NPAS3: variants seen among roughly 807,000 people sequenced by gnomAD.
NPAS3 encodes the protein neuronal PAS domain-containing protein 3.
In NPAS3, 14 loss-of-function variants were observed where a neutral mutation model predicts 73.1. The observed-to-expected ratio is 0.19, with a 90% CI of 0.13 to 0.30. The LOEUF is 0.30. Ranked by LOEUF, NPAS3 falls within the 10% of genes least tolerant of loss-of-function variation. The pLI is 1.00. For missense variants in NPAS3, 1,096 were observed against 1,250.0 expected, an observed-to-expected ratio of 0.88 and a Z score of 1.86; for synonymous variants, 620 against 541.5, an observed-to-expected ratio of 1.14 and a Z score of -2.01.
intron 6 of NPAS3, among the ~76,000 whole-genome samples, chr14:33,706,227 C>T (rs955781433): frequency 2.6e-5 from 4 of 152,188 alleles, no homozygotes; most frequent in Non-Finnish European, 2.9e-5. Context: ...TGTATGTAAG[C>T]AGAGGCCCAG....
intron 2 of NPAS3, among the ~76,000 whole-genome samples, chr14:33,135,417 A>G (rs2043795083): frequency 6.6e-6 from 1 of 152,226 alleles, no homozygotes; most frequent in Admixed American, 6.5e-5. Context: ...TTAGAGAACT[A>G]TATGTTTTCA....
chr14:33,123,864 T>TC (rs202229396), intron 2 of NPAS3, among the ~76,000 whole-genome samples: 65 of 71,288 alleles, frequency 9.1e-4, no homozygotes, highest in African/African-American at 5.5e-3. Context: ...TTTCTTTCTT[T>TC]TTTTTTTTTT....
At chr14:33,567,328 C>T (rs747688861) in intron 5 of NPAS3, among the ~76,000 whole-genome samples, 6 of 152,124 alleles carry the variant, frequency 3.9e-5, no homozygotes, top group Admixed American at 1.3e-4. Context: ...CAGTCTCATG[C>T]GACAAAAACC....
intron 6 of NPAS3, among the ~76,000 whole-genome samples, chr14:33,721,290 T>C (rs1156690911): frequency 6.6e-6 from 1 of 152,164 alleles, no homozygotes; most frequent in Non-Finnish European, 1.5e-5. Flanking sequence ...GAGAAAAGGT[T>C]GTAGATATTG....
chr14:33,143,443 AT>A lies in NPAS3; in HGVS notation c.141-71737del, dbSNP rs562445213. 2.6e-3 allele frequency among the ~76,000 whole-genome samples: 388 copies of A among 151,006 alleles called. 1 individual carries two copies. Among genetic ancestry groups the A allele is most frequent in the African/African-American group, 9.1e-3 (375 of 41,164 alleles). On this transcript the variant is annotated intron_variant, in intron 2 of 11. Transcript: ENST00000356141. ...GAGGCAGAGGTTGAGGTGAGCCGAG[AT>A]TGCGCCACTGCACTCCAGTCTGGGC... is the stretch of plus-strand genomic sequence containing the variant.
chr14:33,768,573 A>G (rs2062540036), intron 7 of NPAS3, among the ~76,000 whole-genome samples: 1 of 152,186 alleles, frequency 6.6e-6, no homozygotes, highest in Non-Finnish European at 1.5e-5. Context: ...GGGTAATGCT[A>G]CAGCACAGGA....
chr14:33,168,659 C>T (rs780177167), intron 2 of NPAS3, among the ~76,000 whole-genome samples: 1 of 152,114 alleles, frequency 6.6e-6, no homozygotes, highest in African/African-American at 2.4e-5. Context: ...ACCAAGGATG[C>T]TTCCCGACTG....
intron 2 of NPAS3, among the ~76,000 whole-genome samples, chr14:33,088,125 G>T (rs1485746800): frequency 2.0e-5 from 3 of 152,206 alleles, no homozygotes; most frequent in Admixed American, 2.0e-4. Context: ...ACAGAAGATG[G>T]GGGATTTCTG....
At chr14:33,127,849 T>C (rs2043485719) in intron 2 of NPAS3, among the ~76,000 whole-genome samples, 1 of 152,090 alleles carries the variant, frequency 6.6e-6, no homozygotes, top group African/African-American at 2.4e-5. Context: ...CTTTCCTCCC[T>C]TCATGATAGA....
intron 1 of NPAS3, among the ~76,000 whole-genome samples, chr14:33,008,002 C>G (rs748202272): frequency 6.6e-6 from 1 of 152,014 alleles, no homozygotes; most frequent in Non-Finnish European, 1.5e-5. Context: ...TAAATTTATT[C>G]CAGTTAAAGA....
intron 3 of NPAS3, among the ~76,000 whole-genome samples, chr14:33,290,385 A>G (rs1356180781): frequency 6.6e-6 from 1 of 152,210 alleles, no homozygotes; most frequent in Non-Finnish European, 1.5e-5. Flanking sequence ...GGGAGCAACC[A>G]GCCTGCAGTA....
chr14:33,544,825 A>ATATATATATATATATATATAAT, intron 4 of NPAS3, among the ~76,000 whole-genome samples: 1 of 112,192 alleles, frequency 8.9e-6, no homozygotes, highest in African/African-American at 4.1e-5. Context: ...TATATAATAT[A>ATATATATATATATATATATAAT]TATGTGTATA....
At chr14:33,709,333 T>C (rs1566451525) in intron 6 of NPAS3, among the ~76,000 whole-genome samples, 1 of 152,122 alleles carries the variant, frequency 6.6e-6, no homozygotes, top group Non-Finnish European at 1.5e-5. Context: ...GGAAAAACCG[T>C]CCCACCCCGA....
chr14:33,637,070 C>T (rs2058542338), intron 5 of NPAS3, among the ~76,000 whole-genome samples: 1 of 152,026 alleles, frequency 6.6e-6, no homozygotes, highest in African/African-American at 2.4e-5. Context: ...TTATTACAGG[C>T]TTGAGAAAAG....
At chr14:33,261,875 G>A (rs1594538996) in intron 3 of NPAS3, among the ~76,000 whole-genome samples, 1 of 152,270 alleles carries the variant, frequency 6.6e-6, no homozygotes, top group East Asian at 1.9e-4. Context: ...TGGCTCTTGG[G>A]CTTAGCAATG....
intron 2 of NPAS3, among the ~76,000 whole-genome samples, chr14:33,131,661 T>C (rs576664660): frequency 5.3e-5 from 8 of 152,272 alleles, no homozygotes; most frequent in Admixed American, 2.0e-4. Flanking sequence ...ATCCTAGCCC[T>C]GCTGCTCGTA....
exon 9 of NPAS3, chr14:33,778,487 G>C: frequency 6.2e-7 from 1 of 1,612,400 alleles, no homozygotes; most frequent in Non-Finnish European, 8.5e-7. Context: ...ATATGGATCT[G>C]ACCCCTGTAG....
rs35096703 is a variant in NPAS3 at position 33,798,977 on chromosome 14, CAAAA to C, written c.1427-742_1427-739del. The stretch of plus-strand genomic sequence containing the variant: ...GCAACGTGGCAAGACCCTGTCTCTA[CAAAA>C]AAAAAAAAAAAAAATCAGCCACGTG... On this transcript the variant is annotated intron_variant, in intron 11 of 11. Coordinates refer to ENST00000356141, the Ensembl canonical transcript of NPAS3. Among the ~76,000 whole-genome samples, 433 of 106,218 alleles carry C rather than the reference CAAAA, an allele frequency of 4.1e-3. 8 individuals are homozygous for C. Among genetic ancestry groups the C allele is most frequent in the Non-Finnish European group, 3.6e-3 (197 of 54,540 alleles). The allele number at this position is 106,218 out of a possible 152,430, so 69.7% of individuals were successfully genotyped here.
intron 4 of NPAS3, among the ~76,000 whole-genome samples, chr14:33,441,045 T>A (rs541615772): frequency 2.6e-5 from 4 of 152,352 alleles, no homozygotes; most frequent in African/African-American, 9.6e-5. Flanking sequence ...TCCTCTTCAG[T>A]AAAGTTAAGC....
Sources: allele counts gnomAD v4.1 joint callset (sites outside exome capture counted in the v4.1 genomes callset), GRCh38; gene constraint gnomAD v4.1.1; transcripts MANE v1.5; gene names NCBI Gene and HGNC (gene_info 2026-07-23, HGNC 2026-07-21).